The following MTHFD1L variants were observed in gnomAD, a reference collection of about 807,000 sequenced individuals.
MTHFD1L encodes the protein methylenetetrahydrofolate dehydrogenase (NADP+ dependent) 1 like.
Under a neutral mutation model 119.5 loss-of-function variants are expected in MTHFD1L, and 81 were observed. The ratio of observed to expected loss-of-function variants is 0.68; its 90% CI spans 0.57 to 0.82. The LOEUF (loss-of-function observed/expected upper bound fraction) is 0.82, where lower values mean the gene tolerates loss of function less well. Ranked by LOEUF, MTHFD1L falls within the 40% of genes least tolerant of loss-of-function variation. The pLI, the probability that MTHFD1L is intolerant of heterozygous loss-of-function variation, is 0.00. For synonymous variants in MTHFD1L, 430 were observed against 475.2 expected, an observed-to-expected ratio of 0.90 and a Z score of 1.24; for missense variants, 1,125 against 1,253.4, an observed-to-expected ratio of 0.90 and a Z score of 1.55.
At chr6:150,972,727 C>T (rs1328530492) in intron 20 of MTHFD1L, among the ~76,000 whole-genome samples, 1 of 152,230 alleles carries the variant, frequency 6.6e-6, no homozygotes, top group Admixed American at 6.5e-5. Flanking sequence ...ACTACCCTTA[C>T]TATGTAGTAC....
chr6:150,934,952 T>G (rs1791797046), intron 11 of MTHFD1L: 2 of 1,521,934 alleles, frequency 1.3e-6, no homozygotes, highest in African/African-American at 2.8e-5. Context: ...TTTGGGACAT[T>G]TATTTGCACC....
chr6:150,960,230 C>T (rs756299646), intron 17 of MTHFD1L, 45 bp from the exon 18 acceptor site: 1 of 1,567,556 alleles, frequency 6.4e-7, no homozygotes, highest in Non-Finnish European at 8.7e-7. Context: ...ATGGCCATCC[C>T]ACTGGCACTG....
intron 10 of MTHFD1L, among the ~76,000 whole-genome samples, chr6:150,923,809 C>T (rs910051985): frequency 6.6e-6 from 1 of 151,756 alleles, no homozygotes; most frequent in Non-Finnish European, 1.5e-5. Flanking sequence ...CTGCAATAGA[C>T]GAAACATCTC....
At chr6:151,100,314 AT>A (rs1795272540) in intron 27 of MTHFD1L, among the ~76,000 whole-genome samples, 1 of 151,824 alleles carries the variant, frequency 6.6e-6, no homozygotes, top group African/African-American at 2.4e-5. Flanking sequence ...GAAATATTTT[AT>A]TTTTGTTCAT....
intron 6 of MTHFD1L, among the ~76,000 whole-genome samples, 197 bp from the exon 7 acceptor site, chr6:150,887,648 G>T (rs1348859487): frequency 6.6e-6 from 1 of 152,076 alleles, no homozygotes; most frequent in Non-Finnish European, 1.5e-5. Context: ...GTGGAGGCGG[G>T]GTTTTACCAT....
chr6:150,870,931 CA>C (rs949588569), intron 1 of MTHFD1L, among the ~76,000 whole-genome samples: 2 of 139,844 alleles, frequency 1.4e-5, no homozygotes, highest in African/African-American at 5.3e-5. Flanking sequence ...CAAAACAAAA[CA>C]AAAAAACCCA....
chr6:151,050,638 G>A (rs748141154), intron 26 of MTHFD1L, among the ~76,000 whole-genome samples: 18 of 152,076 alleles, frequency 1.2e-4, no homozygotes, highest in Non-Finnish European at 2.5e-4. Context: ...GGGGGCACTC[G>A]GCCCTGTGGG....
At chr6:151,028,829 A>ACTT (rs1784935674) in intron 24 of MTHFD1L, among the ~76,000 whole-genome samples, 1 of 152,184 alleles carries the variant, frequency 6.6e-6, no homozygotes, top group South Asian at 2.1e-4. Flanking sequence ...TAATCCCAGC[A>ACTT]CTTTGGAAGT....
At chr6:150,960,640 A>G (rs1796297436) in intron 18 of MTHFD1L, among the ~76,000 whole-genome samples, 2 of 152,064 alleles carry the variant, frequency 1.3e-5, no homozygotes, top group Admixed American at 1.3e-4. Context: ...AACATGTGAA[A>G]TTTATTTCAG....
intron 20 of MTHFD1L, among the ~76,000 whole-genome samples, chr6:150,981,504 T>A (rs1777493684): frequency 6.6e-6 from 1 of 152,220 alleles, no homozygotes; most frequent in African/African-American, 2.4e-5. Flanking sequence ...ATTTTTTATG[T>A]GTTTTCAAAT....
At position 150,988,608 on chromosome 6, in the gene MTHFD1L, G is replaced by C. The variant is rs533756383; in HGVS notation, c.2125+16550G>C. 5.6e-4 allele frequency among the ~76,000 whole-genome samples: 20 copies of C among 35,926 alleles called. 1 individual carries two copies. Among genetic ancestry groups the C allele is most frequent in the South Asian group, 3.8e-3 (6 of 1,570 alleles). The allele number at this position is 35,926 out of a possible 152,430, so 23.6% of individuals were successfully genotyped here. A position where few individuals can be genotyped will look rare whatever the true frequency, so the allele number is the denominator to read the frequency against. On this transcript the variant is annotated intron_variant, in intron 20 of 27. Coordinates refer to ENST00000367321, the MANE Select transcript of MTHFD1L (RefSeq NM_015440.5). The stretch of plus-strand genomic sequence containing the variant: ...GATTATTAGGGCTTTCTTTTTTTGT[G>C]GGGGGGGCGGGAGCGGGGATGGAGT...
chr6:151,025,027 T>C lies in MTHFD1L; in HGVS notation c.2586+9334T>C, dbSNP rs145545023. 1.1e-3 allele frequency among the ~76,000 whole-genome samples: 164 copies of C among 152,292 alleles called. 1 individual carries two copies. Among genetic ancestry groups the C allele is most frequent in the East Asian group, 6.0e-3 (31 of 5,186 alleles). ...TCCGTTTTTTGGCATTGCTACACTA[T>C]TCTATTTGAGAGTAATAAAAGATTA... On this transcript the variant is annotated intron_variant, in intron 24 of 27. Coordinates refer to ENST00000367321, the MANE Select transcript of MTHFD1L (RefSeq NM_015440.5).
chr6:151,081,450 C>T (rs947072105), intron 26 of MTHFD1L, among the ~76,000 whole-genome samples: 2 of 149,680 alleles, frequency 1.3e-5, no homozygotes, highest in African/African-American at 5.0e-5. Flanking sequence ...GTCAGGAGTT[C>T]CAGACCAGGC....
At chr6:150,882,549 C>G (rs565431520) in intron 4 of MTHFD1L, among the ~76,000 whole-genome samples, 2 of 151,970 alleles carry the variant, frequency 1.3e-5, no homozygotes, top group Non-Finnish European at 2.9e-5. Flanking sequence ...TTCAGCCAAG[C>G]CTTTTAATTT....
intron 4 of MTHFD1L, among the ~76,000 whole-genome samples, chr6:150,880,215 G>A (rs899914849): frequency 1.3e-5 from 2 of 152,054 alleles, no homozygotes; most frequent in African/African-American, 4.8e-5. Context: ...CTATCTAAGT[G>A]TAACTTTATA....
At chr6:150,943,910 C>G (rs1373445402) in intron 13 of MTHFD1L, among the ~76,000 whole-genome samples, 2 of 152,074 alleles carry the variant, frequency 1.3e-5, no homozygotes, top group Non-Finnish European at 2.9e-5. Flanking sequence ...CTGCCTCACT[C>G]CAAAGTATAT....
At chr6:150,885,488 GC>G in intron 5 of MTHFD1L, 145 bp from the exon 6 acceptor site, 2 of 580,732 alleles carry the variant, frequency 3.4e-6, no homozygotes, top group Non-Finnish European at 5.9e-6. Context: ...GAGCCACCAT[GC>G]CTGGTCCTCT....
chr6:151,065,904 A>G (rs1269879962), intron 26 of MTHFD1L, among the ~76,000 whole-genome samples: 2 of 152,116 alleles, frequency 1.3e-5, no homozygotes, highest in Non-Finnish European at 2.9e-5. Flanking sequence ...AGAAGAACTA[A>G]ATGTCTCACA....
At chr6:151,013,475 GT>G (rs1167531150) in intron 21 of MTHFD1L, among the ~76,000 whole-genome samples, 1 of 152,170 alleles carries the variant, frequency 6.6e-6, no homozygotes, top group Non-Finnish European at 1.5e-5. Context: ...TGTTTGAGAA[GT>G]TTCATACTGT....
Sources: gnomAD v4.1 joint callset for allele counts (sites outside exome capture counted in the v4.1 genomes callset) on GRCh38, gnomAD v4.1.1 for gene constraint, MANE v1.5 for transcripts, NCBI Gene and HGNC (gene_info 2026-07-23, HGNC 2026-07-21) for gene names.